Variants in DPP10 observed in about 807,000 individuals in gnomAD.
DPP10 encodes inactive dipeptidyl peptidase 10.
Under a neutral mutation model 120.9 loss-of-function variants are expected in DPP10, and 33 were observed. The observed-to-expected ratio is 0.27, with a 90% CI of 0.21 to 0.37. The LOEUF is 0.37. Ranked by LOEUF, DPP10 falls within the 10% of genes least tolerant of loss-of-function variation. The pLI is 1.00. For synonymous variants in DPP10, 337 were observed against 326.1 expected (o/e 1.03, Z -0.36); for missense variants, 816 against 942.8 (o/e 0.87, Z 1.76).
chr2:115,025,552 T>C (rs1319254976), intron 1 of DPP10, among the ~76,000 whole-genome samples: 2 of 152,224 alleles, frequency 1.3e-5, no homozygotes, highest in African/African-American at 4.8e-5. Context: ...GGTAATTCTA[T>C]TTTTAAGTTT....
intron 3 of DPP10, among the ~76,000 whole-genome samples, chr2:115,401,019 G>A (rs891867891): frequency 8.5e-5 from 13 of 152,144 alleles, no homozygotes; most frequent in Non-Finnish European, 1.5e-4. Flanking sequence ...CCTGGTTGGG[G>A]GAGCAATGGA....
At chr2:114,951,764 T>C (rs574612191) in intron 1 of DPP10, among the ~76,000 whole-genome samples, 14 of 152,240 alleles carry the variant, frequency 9.2e-5, no homozygotes, top group South Asian at 8.3e-4. Flanking sequence ...TTAGCACTCT[T>C]AACTAATTTC....
intron 1 of DPP10, among the ~76,000 whole-genome samples, chr2:115,062,359 T>A (rs1474794162): frequency 1.3e-5 from 2 of 152,212 alleles, no homozygotes; most frequent in Non-Finnish European, 2.9e-5. Flanking sequence ...AAAAATAAGT[T>A]ACACTCAAGT....
intron 1 of DPP10, among the ~76,000 whole-genome samples, chr2:114,615,676 T>G (rs1317437567): frequency 6.6e-6 from 1 of 152,194 alleles, no homozygotes; most frequent in Non-Finnish European, 1.5e-5. Flanking sequence ...GGGCATACGA[T>G]GCTTCTTACC....
At chr2:115,379,268 G>C (rs2106453191) in intron 3 of DPP10, among the ~76,000 whole-genome samples, 1 of 152,164 alleles carries the variant, frequency 6.6e-6, no homozygotes, top group Non-Finnish European at 1.5e-5. Context: ...GCTTCTTCCT[G>C]GTTTAGTCTT....
At chr2:115,019,948 T>C (rs1365866496) in intron 1 of DPP10, among the ~76,000 whole-genome samples, 1 of 152,206 alleles carries the variant, frequency 6.6e-6, no homozygotes, top group Non-Finnish European at 1.5e-5. Flanking sequence ...TACAGTCTTT[T>C]CCCAGTAAAC....
chr2:115,275,083 G>A (rs1438216045), intron 1 of DPP10, among the ~76,000 whole-genome samples: 1 of 152,164 alleles, frequency 6.6e-6, no homozygotes, highest in African/African-American at 2.4e-5. Flanking sequence ...ATATATAGAA[G>A]TTGTTTCTCG....
rs773923160 is a variant in DPP10 at position 114,974,740 on chromosome 2, G to T, written c.61-334499G>T. Among the ~76,000 whole-genome samples the T allele has an allele frequency of 1.1e-3, 160 of 151,896 alleles. 1 individual carries two copies. The highest frequency in any genetic ancestry group is 3.4e-3 in the Middle Eastern group (1 of 294). On this transcript the variant is annotated intron_variant, in intron 1 of 25. Transcript: ENST00000410059. ...AGCTAGATCCTATATAGAAGGTAGT[G>T]GTCTATACACCTTCAAGGTTTGTGT...
At chr2:114,501,900 G>A (rs961191806) in intron 1 of DPP10, among the ~76,000 whole-genome samples, 1 of 148,746 alleles carries the variant, frequency 6.7e-6, no homozygotes, top group Non-Finnish European at 1.5e-5. Flanking sequence ...GTGAGGATAC[G>A]ATTTATATGA....
At chr2:114,801,549 G>A (rs1247275547) in intron 1 of DPP10, among the ~76,000 whole-genome samples, 4 of 152,114 alleles carry the variant, frequency 2.6e-5, no homozygotes, top group Admixed American at 1.3e-4. Context: ...TTATGAAGTA[G>A]GAAGGATAAC....
intron 7 of DPP10, among the ~76,000 whole-genome samples, chr2:115,706,716 GATAAGATTATA>G (rs1465293109): frequency 6.6e-6 from 1 of 151,878 alleles, no homozygotes; most frequent in Non-Finnish European, 1.5e-5. Flanking sequence ...TAAGAAAAAT[GATAAGATTATA>G]ATAGTATCTA....
Position 115,836,689 on chromosome 2 carries a change from C to T in DPP10, c.2125C>T (p.His709Tyr). 6.2e-7 allele frequency: 1 copy of T among 1,613,552 alleles called. No individual in the cohort carries two copies. Among genetic ancestry groups the T allele is most frequent in the Non-Finnish European group, 8.5e-7 (1 of 1,179,726 alleles). Residue 709 changes from histidine (H) to tyrosine (Y), a missense_variant, in exon 24 of 26, where the codon CAT becomes TAT. Transcript: ENST00000410059. ...TCCTTTATAGGCAGCCAGTGTGCTACATAATGTTCATGGCTTGAAAGAAGA... is the reference window on the plus strand; with the variant it reads ...TCCTTTATAGGCAGCCAGTGTGCTATATAATGTTCATGGCTTGAAAGAAGA... ...ESTYQAASVLHNVHGLKEENI... is the reference protein window; with the variant it reads ...ESTYQAASVLYNVHGLKEENI...
intron 1 of DPP10, among the ~76,000 whole-genome samples, chr2:114,517,143 G>A (rs1322551999): frequency 1.3e-5 from 2 of 152,106 alleles, no homozygotes; most frequent in Non-Finnish European, 2.9e-5. Flanking sequence ...GGTAATAACT[G>A]AATCTTTAGG....
At chr2:114,512,807 A>T (rs944829533) in intron 1 of DPP10, among the ~76,000 whole-genome samples, 1 of 152,206 alleles carries the variant, frequency 6.6e-6, no homozygotes, top group African/African-American at 2.4e-5. Flanking sequence ...AGGCCTGTGT[A>T]GATGTTGTCC....
At chr2:114,662,334 G>A (rs1377412154) in intron 1 of DPP10, among the ~76,000 whole-genome samples, 4 of 152,206 alleles carry the variant, frequency 2.6e-5, no homozygotes, top group Non-Finnish European at 5.9e-5. Flanking sequence ...CCCTGCGGGG[G>A]CGCGGGCACC....
At chr2:115,719,069 G>T (rs893436213) in intron 7 of DPP10, among the ~76,000 whole-genome samples, 11 of 151,982 alleles carry the variant, frequency 7.2e-5, no homozygotes, top group African/African-American at 2.7e-4. Context: ...TCATCACGAG[G>T]TCTTCTCTTA....
chr2:114,892,827 A>C (rs910428675), intron 1 of DPP10, among the ~76,000 whole-genome samples: 4 of 152,140 alleles, frequency 2.6e-5, no homozygotes, highest in African/African-American at 9.7e-5. Context: ...TCTTTCCAAA[A>C]ACCCAGGACA....
intron 3 of DPP10, among the ~76,000 whole-genome samples, chr2:115,473,034 T>A (rs2074836032): frequency 6.6e-6 from 1 of 152,164 alleles, no homozygotes; most frequent in African/African-American, 2.4e-5. Context: ...ATGCTATGAC[T>A]TTTACTAAAA....
intron 1 of DPP10, among the ~76,000 whole-genome samples, chr2:115,266,316 T>A (rs1406491039): frequency 6.6e-6 from 1 of 152,198 alleles, no homozygotes; most frequent in African/African-American, 2.4e-5. Context: ...GCTAGAATGA[T>A]GTAAAAAATA....
Sources: gnomAD v4.1 joint callset for allele counts (sites outside exome capture counted in the v4.1 genomes callset) on GRCh38, gnomAD v4.1.1 for gene constraint, MANE v1.5 for transcripts, NCBI Gene and HGNC (gene_info 2026-07-23, HGNC 2026-07-21) for gene names.